DNAAF9: variants seen among roughly 807,000 people sequenced by gnomAD.
DNAAF9 encodes dynein axonemal assembly factor 9.
Under a neutral mutation model 167.0 loss-of-function variants are expected in DNAAF9, and 90 were observed. The ratio of observed to expected loss-of-function variants is 0.54; its 90% CI spans 0.45 to 0.64. The LOEUF (loss-of-function observed/expected upper bound fraction) is 0.64, where lower values mean the gene tolerates loss of function less well. Among genes scored for constraint, DNAAF9 ranks in the 30% least tolerant of loss-of-function variants. DNAAF9 has a pLI of 0.00. For synonymous variants in DNAAF9, 491 were observed against 508.8 expected, an observed-to-expected ratio of 0.96 and a Z score of 0.47; for missense variants, 1,315 against 1,442.2, an observed-to-expected ratio of 0.91 and a Z score of 1.43.
At position 3,401,207 on chromosome 20, in the gene DNAAF9, C is replaced by CT. The variant is rs574066621; in HGVS notation, c.83+6267dup. Among the ~76,000 whole-genome samples the CT allele has an allele frequency of 3.5e-3, 527 of 149,430 alleles. 3 individuals are homozygous for CT. The highest frequency in any genetic ancestry group is 0.012 in the African/African-American group (486 of 40,830). Reference sequence around the variant, plus strand: ...GAGTATCACTATCATGAATCACTTTCTTTTTTTTTTATTTTTGAGACAGAG... The same window carrying CT: ...GAGTATCACTATCATGAATCACTTTCTTTTTTTTTTTATTTTTGAGACAGAG... On this transcript the variant is annotated intron_variant, in intron 1 of 36. Coordinates refer to ENST00000252032, the MANE Select transcript of DNAAF9 (RefSeq NM_001009984.3).
At chr20:3,405,042 T>G (rs1178323103) in intron 1 of DNAAF9, among the ~76,000 whole-genome samples, 1 of 152,106 alleles carries the variant, frequency 6.6e-6, no homozygotes, top group Admixed American at 6.5e-5. Flanking sequence ...CAACAGAAAT[T>G]TGTACCATGA....
At chr20:3,260,927 C>T (rs939627316) in intron 31 of DNAAF9, among the ~76,000 whole-genome samples, 4 of 152,008 alleles carry the variant, frequency 2.6e-5, no homozygotes, top group South Asian at 2.1e-4. Flanking sequence ...CCACCATAGC[C>T]GGTCTTGCTC....
intron 34 of DNAAF9, 110 bp from the exon 35 acceptor site, chr20:3,255,394 G>A (rs1172676716): frequency 2.9e-6 from 2 of 689,786 alleles, no homozygotes; most frequent in Non-Finnish European, 5.3e-6. Flanking sequence ...AGTGGGGAAA[G>A]CACGTGCGCT....
chr20:3,295,906 T>C lies in DNAAF9; in HGVS notation c.2018+955A>G. On this transcript the variant is annotated intron_variant, in intron 23 of 36. Transcript: ENST00000252032. ...CCCAGCCAGTGCCGTCAATTGAATG[T>C]TCTCTCAGTAAACTCAGACATATTT... 2 of 1,412,880 alleles carry C rather than the reference T, an allele frequency of 1.4e-6. 1 individual carries two copies. The highest frequency in any genetic ancestry group is 2.3e-5 in the South Asian group (2 of 87,316). 87.5% of individuals were successfully genotyped at this position (1,412,880 alleles called of 1,614,324 possible).
At chr20:3,353,531 G>C (rs963654559) in intron 7 of DNAAF9, among the ~76,000 whole-genome samples, 2 of 151,840 alleles carry the variant, frequency 1.3e-5, no homozygotes, top group Non-Finnish European at 2.9e-5. Flanking sequence ...GGGAAGCTGA[G>C]GTGGGAGAAC....
Position 3,374,091 on chromosome 20 carries a change from A to G in DNAAF9, c.569T>C (p.Leu190Pro). ...EKWPIVQAFA[L>P]EGIGGDGFFT... ...AAATCCATCCCCTCCAATGCCCTCAAGTGCAAAGGCCTGTACAATTGGCCA... is the reference window on the plus strand; with the variant it reads ...AAATCCATCCCCTCCAATGCCCTCAGGTGCAAAGGCCTGTACAATTGGCCA... The change falls in exon 6 of 37, where the codon CTT becomes CCT. Residue 190 changes from leucine to proline, a missense_variant. Physicochemically the swap from Leu to Pro is moderately conservative, Grantham distance 98 (BLOSUM62 -3). This residue lies in a region of DNAAF9 where 981 missense variants were observed against 1,012.5 expected (regional missense o/e 0.97). Coordinates refer to ENST00000252032, the MANE Select transcript of DNAAF9 (RefSeq NM_001009984.3). 1.2e-6 allele frequency: 2 copies of G among 1,613,826 alleles called. No homozygotes were observed. Among genetic ancestry groups the G allele is most frequent in the East Asian group, 2.2e-5 (1 of 44,886 alleles).
chr20:3,322,977 C>T (rs1050013890), intron 14 of DNAAF9, among the ~76,000 whole-genome samples: 1 of 151,986 alleles, frequency 6.6e-6, no homozygotes, highest in Non-Finnish European at 1.5e-5. Context: ...GAGAGGACTG[C>T]TGCTCACTGC....
chr20:3,252,330 C>T lies in DNAAF9; in HGVS notation c.*242G>A, dbSNP rs560673549. ...CTGGACTGCCAGTTGCACACGTAGACGGGCAGGCCCCATCTGCTCATCCTT... is the reference window on the plus strand; with the variant it reads ...CTGGACTGCCAGTTGCACACGTAGATGGGCAGGCCCCATCTGCTCATCCTT... On this transcript the variant is annotated 3_prime_UTR_variant, in exon 37 of 37. Transcript: ENST00000252032. 53 of 386,472 alleles carry T rather than the reference C, an allele frequency of 1.4e-4. No individual in the cohort carries two copies. Among genetic ancestry groups the T allele is most frequent in the African/African-American group, 7.4e-4 (36 of 48,686 alleles). The allele number at this position is 386,472 out of a possible 1,614,324, so 23.9% of individuals were successfully genotyped here.
chr20:3,372,082 G>A (rs2083518046), intron 6 of DNAAF9, among the ~76,000 whole-genome samples: 1 of 152,168 alleles, frequency 6.6e-6, no homozygotes, highest in Non-Finnish European at 1.5e-5. Flanking sequence ...AAACACATCT[G>A]GGCTAATGAC....
intron 23 of DNAAF9, chr20:3,296,649 G>C: frequency 1.9e-6 from 1 of 530,234 alleles, no homozygotes. Context: ...CCAAAGTGTT[G>C]GGATTACAAG....
intron 29 of DNAAF9, among the ~76,000 whole-genome samples, chr20:3,275,646 A>G (rs577569445): frequency 6.6e-6 from 1 of 152,370 alleles, no homozygotes; most frequent in African/African-American, 2.4e-5. Context: ...AGGAAATGCC[A>G]TCTGTGAGGC....
At chr20:3,343,502 C>G (rs990778640) in intron 9 of DNAAF9, among the ~76,000 whole-genome samples, 174 bp downstream of exon 9, 1 of 152,136 alleles carries the variant, frequency 6.6e-6, no homozygotes, top group Non-Finnish European at 1.5e-5. Flanking sequence ...AAAATGAAAG[C>G]AGAGAAACAG....
At chr20:3,290,252 A>G in intron 25 of DNAAF9, 35 bp from the exon 26 acceptor site, 1 of 1,271,022 alleles carries the variant, frequency 7.9e-7, no homozygotes, top group Non-Finnish European at 1.2e-6. Flanking sequence ...TTGCAATTCA[A>G]CTGCATTGCA....
intron 23 of DNAAF9, among the ~76,000 whole-genome samples, chr20:3,295,330 T>A (rs1000101483): frequency 6.6e-6 from 1 of 151,562 alleles, no homozygotes; most frequent in African/African-American, 2.4e-5. Context: ...CAGGCGCATA[T>A]CACCATGCCC....
chr20:3,372,560 C>A (rs886088371), intron 6 of DNAAF9, among the ~76,000 whole-genome samples: 1 of 152,164 alleles, frequency 6.6e-6, no homozygotes, highest in Admixed American at 6.5e-5. Flanking sequence ...AATGTGACTT[C>A]ATAGTGTGAT....
At chr20:3,261,833 G>A (rs548562290) in intron 31 of DNAAF9, among the ~76,000 whole-genome samples, 5 of 148,850 alleles carry the variant, frequency 3.4e-5, no homozygotes, top group Admixed American at 6.8e-5. Context: ...GGTTTCTCTG[G>A]CCTCTGGCTT....
rs1568628321 is a variant in DNAAF9, at chr20:3,362,328, G to A, written c.613-2735C>T. ...CTGAGCCTGTGGTGGCTGCCATCTTGCACTGCTGTCGCTTGAAGCGGTTTA... is the reference window on the plus strand; with the variant it reads ...CTGAGCCTGTGGTGGCTGCCATCTTACACTGCTGTCGCTTGAAGCGGTTTA... On this transcript the variant is annotated intron_variant, in intron 6 of 36. Coordinates refer to ENST00000252032, the MANE Select transcript of DNAAF9 (RefSeq NM_001009984.3). The A allele has an allele frequency of 7.6e-6, 6 of 791,722 alleles. No individual in the cohort carries two copies. In the South Asian group the frequency reaches 9.7e-5, roughly 13 times the overall value. 49.0% of individuals were successfully genotyped at this position (791,722 alleles called of 1,614,324 possible).
chr20:3,377,318 G>A (rs1440199695), intron 3 of DNAAF9, among the ~76,000 whole-genome samples: 1 of 152,238 alleles, frequency 6.6e-6, no homozygotes, highest in African/African-American at 2.4e-5. Flanking sequence ...TCTGACAAGA[G>A]ACAGCTTTGC....
intron 32 of DNAAF9, 103 bp downstream of exon 32, chr20:3,259,819 A>G (rs6139051): frequency 2.7e-6 from 2 of 750,520 alleles, no homozygotes; most frequent in East Asian, 2.7e-5. Context: ...TTCAAAAGGT[A>G]AGAAGACATA....
Sources: gnomAD v4.1 joint callset for allele counts (sites outside exome capture counted in the v4.1 genomes callset) on GRCh38, gnomAD v4.1.1 for gene constraint, gnomAD v4.1.1 regional missense constraint, MANE v1.5 for transcripts, NCBI Gene and HGNC (gene_info 2026-07-23, HGNC 2026-07-21) for gene names.